The following TANGO6 variants were observed in gnomAD, a reference collection of about 807,000 sequenced individuals.
TANGO6 encodes the protein transport and Golgi organization protein 6 homolog.
In TANGO6, 90 loss-of-function variants were observed where a neutral mutation model predicts 114.2. That is an observed-to-expected ratio of 0.79 (90% CI 0.66 to 0.94). TANGO6 has a LOEUF of 0.94. TANGO6 is among the 40% of genes least tolerant of loss of function. The pLI is 0.00. For missense variants in TANGO6, 1,274 were observed against 1,315.3 expected, an observed-to-expected ratio of 0.97 and a Z score of 0.49; for synonymous variants, 477 against 509.8, an observed-to-expected ratio of 0.94 and a Z score of 0.87.
chr16:68,941,281 T>A (rs538780458), intron 14 of TANGO6, among the ~76,000 whole-genome samples: 25 of 152,340 alleles, frequency 1.6e-4, no homozygotes, highest in African/African-American at 5.8e-4. Flanking sequence ...AAATTTTTTT[T>A]AAATTGGGGA....
chr16:68,979,264 C>G (rs1963799155), intron 15 of TANGO6, among the ~76,000 whole-genome samples: 1 of 151,798 alleles, frequency 6.6e-6, no homozygotes, highest in African/African-American at 2.4e-5. Context: ...GAGTCTTGCT[C>G]TGTTATCCAG....
chr16:69,047,913 A>G (rs1959888278), intron 17 of TANGO6, among the ~76,000 whole-genome samples: 1 of 152,118 alleles, frequency 6.6e-6, no homozygotes, highest in South Asian at 2.1e-4. Flanking sequence ...TGTAATCCCT[A>G]ATTTTAGATG....
rs1473521491 is a variant in TANGO6 at position 68,843,627 on chromosome 16, C to T, written c.10C>T (p.Arg4Ter). Residue 4 changes from arginine to a stop codon, truncating the protein, a stop_gained, in exon 1 of 18, where the codon CGA becomes TGA. Transcript: ENST00000261778. LOFTEE classifies it high-confidence loss of function. ...GTGTTACACTCCAGTCATGGCGGCC[C>T]GACAGGCCGTGGGCAGCGGGGCTCA... MAA[R>*]QAVGSGAQET... 6 of 1,613,322 alleles carry T rather than the reference C, an allele frequency of 3.7e-6. No individual in the cohort carries two copies. The highest frequency in any genetic ancestry group is 5.1e-6 in the Non-Finnish European group (6 of 1,179,654).
chr16:69,081,718 T>A (rs1218288458), intron 17 of TANGO6, among the ~76,000 whole-genome samples: 1 of 152,106 alleles, frequency 6.6e-6, no homozygotes, highest in Non-Finnish European at 1.5e-5. Flanking sequence ...GCCAGGAGGA[T>A]TTTTTAGGGA....
At chr16:68,902,563 C>T in intron 9 of TANGO6, 59 bp downstream of exon 9, 1 of 1,442,376 alleles carries the variant, frequency 6.9e-7, no homozygotes, top group Non-Finnish European at 9.2e-7. Context: ...AAAGGCCATT[C>T]AGTGATTCAA....
chr16:68,902,617 G>T, intron 9 of TANGO6, 113 bp downstream of exon 9: 1 of 963,948 alleles, frequency 1.0e-6, no homozygotes, highest in African/African-American at 1.7e-5. Context: ...AACTCAAGTG[G>T]CTCAGGTGCC....
chr16:68,934,753 A>T (rs987202191), intron 14 of TANGO6, among the ~76,000 whole-genome samples: 1 of 151,986 alleles, frequency 6.6e-6, no homozygotes, highest in Admixed American at 6.6e-5. Flanking sequence ...TCATTGATTT[A>T]TTTTTTTTAA....
chr16:69,072,958 C>G (rs1216137304), intron 17 of TANGO6, among the ~76,000 whole-genome samples: 1 of 147,164 alleles, frequency 6.8e-6, no homozygotes, highest in Non-Finnish European at 1.5e-5. Flanking sequence ...AAAGATTCCT[C>G]TAAAAGGAAA....
chr16:69,039,096 A>G (rs1959734491), intron 16 of TANGO6, among the ~76,000 whole-genome samples: 1 of 151,896 alleles, frequency 6.6e-6, no homozygotes, highest in Non-Finnish European at 1.5e-5. Flanking sequence ...GAGGCAGGAG[A>G]ATGGCGTGAA....
intron 15 of TANGO6, among the ~76,000 whole-genome samples, chr16:68,989,071 C>T (rs1380195034): frequency 6.6e-6 from 1 of 152,082 alleles, no homozygotes; most frequent in Non-Finnish European, 1.5e-5. Context: ...ACCATGTTGC[C>T]CAGCTGGTCT....
intron 1 of TANGO6, among the ~76,000 whole-genome samples, chr16:68,857,020 A>C (rs1474937204): frequency 1.3e-5 from 2 of 152,238 alleles, no homozygotes; most frequent in African/African-American, 4.8e-5. Flanking sequence ...GAGGCCGGAG[A>C]ATGGCCTGAA....
At chr16:69,038,732 A>T (rs1959729136) in intron 16 of TANGO6, among the ~76,000 whole-genome samples, 2 of 152,086 alleles carry the variant, frequency 1.3e-5, no homozygotes, top group African/African-American at 4.8e-5. Flanking sequence ...TTCCTGTGTT[A>T]GTATGGTCTT....
At chr16:68,844,701 G>A (rs1222936482) in intron 1 of TANGO6, among the ~76,000 whole-genome samples, 1 of 152,108 alleles carries the variant, frequency 6.6e-6, no homozygotes, top group African/African-American at 2.4e-5. Flanking sequence ...AGTCCCCATA[G>A]TAGGCTGTTG....
chr16:69,062,923 C>T (rs1960146332), intron 17 of TANGO6, among the ~76,000 whole-genome samples: 1 of 149,808 alleles, frequency 6.7e-6, no homozygotes, highest in Non-Finnish European at 1.5e-5. Context: ...GAAACCCTGT[C>T]TGTATTAAAA....
chr16:68,872,232 AG>A (rs1962281807), intron 4 of TANGO6, among the ~76,000 whole-genome samples: 2 of 151,764 alleles, frequency 1.3e-5, no homozygotes, highest in Non-Finnish European at 2.9e-5. Flanking sequence ...AAAAAAAAAA[AG>A]AAGTTGTCTT....
chr16:68,877,353 A>C (rs1030447606), intron 5 of TANGO6, among the ~76,000 whole-genome samples: 1 of 151,518 alleles, frequency 6.6e-6, no homozygotes, highest in Admixed American at 6.6e-5. Flanking sequence ...CTGTAATCCC[A>C]GCTACTTGGG....
intron 14 of TANGO6, among the ~76,000 whole-genome samples, chr16:68,949,188 A>G (rs1159301124): frequency 6.6e-6 from 1 of 151,948 alleles, no homozygotes; most frequent in Non-Finnish European, 1.5e-5. Flanking sequence ...CTCCGTCTCA[A>G]AAAGAAAGAA....
chr16:69,081,890 G>A (rs1038003966), intron 17 of TANGO6, among the ~76,000 whole-genome samples: 2 of 151,250 alleles, frequency 1.3e-5, no homozygotes, highest in African/African-American at 2.4e-5. Context: ...CTGGAGTGCA[G>A]TGGCTCGATC....
At chr16:69,045,386 G>A (rs573483013) in intron 17 of TANGO6, among the ~76,000 whole-genome samples, 5 of 147,332 alleles carry the variant, frequency 3.4e-5, no homozygotes, top group African/African-American at 7.6e-5. Context: ...AGAGCTTGCA[G>A]TGAGCCAAGA....
Sources: allele counts gnomAD v4.1 joint callset (sites outside exome capture counted in the v4.1 genomes callset), GRCh38; gene constraint gnomAD v4.1.1; transcripts MANE v1.5; gene names NCBI Gene and HGNC (gene_info 2026-07-23, HGNC 2026-07-21).